Variants in RNF2 observed in about 807,000 individuals in gnomAD.
RNF2 encodes ring finger protein 2, also known as E3 ubiquitin-protein ligase RING2.
A neutral mutation model predicts 37.2 loss-of-function variants in RNF2; 6 were observed. The ratio of observed to expected loss-of-function variants is 0.16; its 90% confidence interval spans 0.09 to 0.32. RNF2 has a LOEUF of 0.32. RNF2 is among the 10% of genes least tolerant of loss of function. RNF2 has a pLI of 1.00. For synonymous variants in RNF2, 133 were observed against 132.7 expected (o/e 1.00, Z -0.02); for missense variants, 251 against 404.0 (o/e 0.62, Z 3.25).
intron 1 of RNF2, among the ~76,000 whole-genome samples, chr1:185,060,505 T>C (rs1650566816): frequency 6.6e-6 from 1 of 152,214 alleles, no homozygotes; most frequent in Non-Finnish European, 1.5e-5. Flanking sequence ...TAGGAAATTA[T>C]TGACATTCTT....
intron 1 of RNF2, among the ~76,000 whole-genome samples, chr1:185,076,883 G>A (rs1037714418): frequency 4.6e-5 from 7 of 151,782 alleles, no homozygotes; most frequent in African/African-American, 1.2e-4. Context: ...CATCCTCCAG[G>A]TAAACCTTAG....
chr1:185,060,297 T>C (rs1650560891), intron 1 of RNF2, among the ~76,000 whole-genome samples: 1 of 152,200 alleles, frequency 6.6e-6, no homozygotes, highest in Admixed American at 6.5e-5. Context: ...TATCATTAAG[T>C]CTACAGGTTT....
intron 1 of RNF2, among the ~76,000 whole-genome samples, chr1:185,061,770 A>G (rs1170839801): frequency 6.6e-6 from 1 of 152,240 alleles, no homozygotes; most frequent in East Asian, 1.9e-4. Context: ...GTATTTTCTT[A>G]GCTCAGGAGA....
intron 5 of RNF2, among the ~76,000 whole-genome samples, chr1:185,099,281 C>T (rs1331910440): frequency 6.6e-6 from 1 of 152,132 alleles, no homozygotes; most frequent in Non-Finnish European, 1.5e-5. Context: ...CTCCTGACCT[C>T]AAGTGATCCA....
At position 185,091,699 on chromosome 1, in the gene RNF2, C is replaced by T; in HGVS notation, c.208C>T (p.Arg70Cys). ...CATGACTACAAAGGAGTGTTTACAT[C>T]GTTTTTGTGCAGACTGCATCATCAC... ...NTMTTKECLH[R>C]FCADCIITAL... is the part of the protein sequence containing the mutation. The change falls in exon 3 of 7, where the codon CGT becomes TGT. Residue 70 changes from arginine to cysteine, a missense_variant. By Grantham distance (180) the Arg-to-Cys change is radical. Coordinates refer to ENST00000367510, the MANE Select transcript of RNF2 (RefSeq NM_007212.4). 2 of 1,614,080 alleles carry T rather than the reference C, an allele frequency of 1.2e-6. No homozygotes were observed. Among genetic ancestry groups the T allele is most frequent in the Non-Finnish European group, 1.7e-6 (2 of 1,179,990 alleles).
intron 1 of RNF2, among the ~76,000 whole-genome samples, chr1:185,073,962 A>ATTAAT (rs1651065560): frequency 6.6e-6 from 1 of 152,218 alleles, no homozygotes; most frequent in Non-Finnish European, 1.5e-5. Context: ...TTCAGATGCC[A>ATTAAT]TTAAGCCCAT....
At chr1:185,087,883 G>T (rs939984620) in intron 2 of RNF2, among the ~76,000 whole-genome samples, 7 of 152,168 alleles carry the variant, frequency 4.6e-5, no homozygotes, top group Non-Finnish European at 7.3e-5. Context: ...CACCAACCAT[G>T]GACTTTACAG....
At chr1:185,087,986 A>G (rs1651652837) in intron 2 of RNF2, among the ~76,000 whole-genome samples, 1 of 152,226 alleles carries the variant, frequency 6.6e-6, no homozygotes, top group African/African-American at 2.4e-5. Flanking sequence ...CTGATAAGGC[A>G]CCAAGGAAGA....
intron 1 of RNF2, among the ~76,000 whole-genome samples, chr1:185,060,553 G>C (rs1219293486): frequency 6.6e-6 from 1 of 152,198 alleles, no homozygotes; most frequent in African/African-American, 2.4e-5. Flanking sequence ...AGAATTAAAG[G>C]TAGTCCTTTA....
intron 4 of RNF2, among the ~76,000 whole-genome samples, chr1:185,095,654 C>T (rs551427057): frequency 6.6e-6 from 1 of 152,160 alleles, no homozygotes; most frequent in African/African-American, 2.4e-5. Context: ...GTAGTAGCTG[C>T]TCAGTAAATA....
chr1:185,057,805 G>GAAA (rs111301848), intron 1 of RNF2, among the ~76,000 whole-genome samples: 1 of 136,546 alleles, frequency 7.3e-6, no homozygotes, highest in Non-Finnish European at 1.6e-5. Flanking sequence ...CTCTAAAGGG[G>GAAA]AAAAAAAAAA....
intron 4 of RNF2, 70 bp downstream of exon 4, chr1:185,093,346 T>C: frequency 6.9e-7 from 1 of 1,443,404 alleles, no homozygotes; most frequent in Non-Finnish European, 9.6e-7. Flanking sequence ...AAATTTACTT[T>C]TTGAAAAAGG....
At chr1:185,056,649 G>A (rs1650443783) in intron 1 of RNF2, among the ~76,000 whole-genome samples, 1 of 152,200 alleles carries the variant, frequency 6.6e-6, no homozygotes, top group Admixed American at 6.5e-5. Flanking sequence ...GGGATTACAG[G>A]TGTGAGCCAC....
chr1:185,069,100 AGCTC>A (rs1650888263), intron 1 of RNF2, among the ~76,000 whole-genome samples: 1 of 152,172 alleles, frequency 6.6e-6, no homozygotes, highest in Non-Finnish European at 1.5e-5. Context: ...ACATAGTGTA[AGCTC>A]TTTTGCCTGT....
At chr1:185,086,699 C>T (rs958937110) in intron 1 of RNF2, among the ~76,000 whole-genome samples, 1 of 152,156 alleles carries the variant, frequency 6.6e-6, no homozygotes, top group African/African-American at 2.4e-5. Context: ...TGGGTCTCAA[C>T]ATTAGGAAGA....
intron 1 of RNF2, among the ~76,000 whole-genome samples, chr1:185,085,987 A>G (rs978076463): frequency 6.6e-6 from 1 of 152,188 alleles, no homozygotes; most frequent in Admixed American, 6.5e-5. Flanking sequence ...AATCACAAGC[A>G]TACCCATACA....
chr1:185,061,592 CAG>C (rs1650606808), intron 1 of RNF2, among the ~76,000 whole-genome samples: 2 of 151,948 alleles, frequency 1.3e-5, no homozygotes, highest in Admixed American at 1.3e-4. Context: ...CTCTTTAAGA[CAG>C]AGTGGGAAAA....
chr1:185,063,812 A>G (rs1055995533), intron 1 of RNF2, among the ~76,000 whole-genome samples: 2 of 152,156 alleles, frequency 1.3e-5, no homozygotes, highest in African/African-American at 2.4e-5. Flanking sequence ...TCTTCAGGCC[A>G]GCTTCCCAGT....
At chr1:185,072,546 C>G (rs1460504739) in intron 1 of RNF2, among the ~76,000 whole-genome samples, 1 of 151,898 alleles carries the variant, frequency 6.6e-6, no homozygotes, top group African/African-American at 2.4e-5. Context: ...ATGGGAAAAT[C>G]TTGGGGGGAA....
Sources: allele counts gnomAD v4.1 joint callset (sites outside exome capture counted in the v4.1 genomes callset), GRCh38; gene constraint gnomAD v4.1.1; transcripts MANE v1.5; gene names NCBI Gene and HGNC (gene_info 2026-07-23, HGNC 2026-07-21).